Variants in ZNF514 observed in about 807,000 individuals in gnomAD.
ZNF514 encodes zinc finger protein 514.
ZNF514 carries 12 observed loss-of-function variants against 9.7 expected under a neutral mutation model. That is an observed-to-expected ratio of 1.24 (90% CI 0.79 to 2.01). ZNF514 has a LOEUF of 2.01. Ranked by LOEUF, ZNF514 falls within the 30% of genes most tolerant of loss-of-function variation. The pLI is 0.00. For synonymous variants in ZNF514, 158 were observed against 163.7 expected, an observed-to-expected ratio of 0.97 and a Z score of 0.27; for missense variants, 467 against 465.5, an observed-to-expected ratio of 1.00 and a Z score of -0.03.
At chr2:95,131,810 T>G in the ZNF514 span, among the ~76,000 whole-genome samples, 2 of 152,052 alleles carry the variant, frequency 1.3e-5, no homozygotes, top group Non-Finnish European at 2.9e-5. Context: ...CTTCCCCAAA[T>G]TTTTTATAAA....
the ZNF514 span, among the ~76,000 whole-genome samples, chr2:95,130,030 GC>G: frequency 2.6e-5 from 4 of 152,116 alleles, no homozygotes; most frequent in African/African-American, 9.7e-5. Flanking sequence ...CGGGGGACCT[GC>G]CCCGATAATC....
rs182542834 is a variant in ZNF514, at chr2:95,145,584, A to T, written c.*3698T>A. Reference sequence around the variant, plus strand: ...CTATTGATTCCAGGTCTTTGGATAAACCCACTGCCAATCAGAAAATCTTTG... The same window carrying T: ...CTATTGATTCCAGGTCTTTGGATAATCCCACTGCCAATCAGAAAATCTTTG... On this transcript the variant is annotated 3_prime_UTR_variant, in exon 5 of 5. Transcript: ENST00000295208. Among the ~76,000 whole-genome samples the T allele has an allele frequency of 6.6e-6, 1 of 152,134 alleles. No homozygotes were observed. The highest frequency in any genetic ancestry group is 1.5e-5 in the Non-Finnish European group (1 of 68,026).
At chr2:95,133,244 G>A in the ZNF514 span, among the ~76,000 whole-genome samples, 4 of 152,182 alleles carry the variant, frequency 2.6e-5, no homozygotes, top group African/African-American at 9.7e-5. Context: ...TGAGGTGGGA[G>A]AATCGCTTAA....
the ZNF514 span, among the ~76,000 whole-genome samples, chr2:95,124,562 A>G: frequency 2.0e-5 from 3 of 150,830 alleles, no homozygotes; most frequent in African/African-American, 7.3e-5. Context: ...GTGCAGTGGC[A>G]TAGTCTCAGC....
In ZNF514 at chr2:95,149,840, G is replaced by A. The variant is rs770952200; in HGVS notation, c.645C>T (p.Phe215=). 5.6e-6 allele frequency: 9 copies of A among 1,614,108 alleles called. No individual in the cohort carries two copies. Among genetic ancestry groups the A allele is most frequent in the Non-Finnish European group, 7.6e-6 (9 of 1,180,048 alleles). ...KCNECGKSFH[F]QSELRRHQRC... ...GCTGATGGCGCCTAAGTTCTGACTG[G>A]AAGTGAAAGGACTTCCCACACTCAT... Residue 215 remains phenylalanine (F), a synonymous_variant, in exon 5 of 5, where the codon TTC becomes TTT. Transcript: ENST00000295208.
chr2:95,158,590 C>T (rs115767611), intron 1 of ZNF514, among the ~76,000 whole-genome samples: 48 of 152,348 alleles, frequency 3.2e-4, no homozygotes, highest in African/African-American at 1.1e-3. Flanking sequence ...AGGTGGATGA[C>T]AAGGCTCCAA....
the ZNF514 span, among the ~76,000 whole-genome samples, chr2:95,129,164 G>T: frequency 6.6e-6 from 1 of 152,196 alleles, no homozygotes; most frequent in Non-Finnish European, 1.5e-5. Flanking sequence ...AGGGTGGCAT[G>T]GTGAGGAGTT....
Position 95,153,128 on chromosome 2 carries a change from C to T in ZNF514, c.121+5G>A. On this transcript the variant is annotated splice_donor_5th_base_variant and intron_variant, in intron 3 of 4. Coordinates refer to ENST00000295208, the MANE Select transcript of ZNF514 (RefSeq NM_032788.3). ...CTGGGTGGGCTTTGGAGGGCTTGTG[C>T]TCACCCAGAATGGCCAAGTTCCTGA... The T allele has an allele frequency of 1.2e-6, 2 of 1,610,798 alleles. No individual in the cohort carries two copies. Among genetic ancestry groups the T allele is most frequent in the Non-Finnish European group, 1.7e-6 (2 of 1,177,500 alleles).
In ZNF514 at chr2:95,146,998, A is replaced by C. The variant is rs1673377026; in HGVS notation, c.*2284T>G. 1.3e-5 allele frequency among the ~76,000 whole-genome samples: 2 copies of C among 152,060 alleles called. No homozygotes were observed. The highest frequency in any genetic ancestry group is 1.3e-4 in the Admixed American group (2 of 15,266). On this transcript the variant is annotated 3_prime_UTR_variant, in exon 5 of 5. Coordinates refer to ENST00000295208, the MANE Select transcript of ZNF514 (RefSeq NM_032788.3). ...GGACTCTTAGACCCAGCCTGTCTGC[A>C]TGGGCCCACTTTGAGCTGGTTCCCT...
In ZNF514 at chr2:95,153,223, T is replaced by C; in HGVS notation, c.31A>G (p.Ser11Gly). 1 of 1,614,006 alleles carries C rather than the reference T, an allele frequency of 6.2e-7. No individual in the cohort carries two copies. The highest frequency in any genetic ancestry group is 1.1e-5 in the South Asian group (1 of 91,062). ...TTCAGCTGCCCCCACTCCCACTGGC[T>C]GAATTCCACAGCCACATCTTCAAAT... is the stretch of plus-strand genomic sequence containing the variant. Reference protein sequence around the residue: MTFEDVAVEFSQWEWGQLNPA... With the variant: MTFEDVAVEFGQWEWGQLNPA... Residue 11 changes from serine (S) to glycine (G), a missense_variant, in exon 3 of 5, where the codon AGC becomes GGC. Transcript: ENST00000295208.
At chr2:95,143,423 C>A (rs1258726696), downstream of ZNF514, among the ~76,000 whole-genome samples, 1 of 152,072 alleles carries the variant, frequency 6.6e-6, no homozygotes, top group Non-Finnish European at 1.5e-5. Flanking sequence ...GAGTTCAAGA[C>A]CAGCCTGACC....
chr2:95,146,885 A>C lies in ZNF514; in HGVS notation c.*2397T>G, dbSNP rs1673372784. Among the ~76,000 whole-genome samples the C allele has an allele frequency of 6.6e-6, 1 of 151,990 alleles. No individual in the cohort carries two copies. Among genetic ancestry groups the C allele is most frequent in the Non-Finnish European group, 1.5e-5 (1 of 68,006 alleles). On this transcript the variant is annotated 3_prime_UTR_variant, in exon 5 of 5. Coordinates refer to ENST00000295208, the MANE Select transcript of ZNF514 (RefSeq NM_032788.3). ...TGTAAACCTTGGCTGTCCAGGAATA[A>C]ATTTCTGTGTGATCTTGACCTCAGC...
At chr2:95,159,003 C>T in intron 1 of ZNF514, 1 of 1,280,008 alleles carries the variant, frequency 7.8e-7, no homozygotes, top group Non-Finnish European at 1.0e-6. Context: ...TAAGGAGCGG[C>T]GTCCTTTCAC....
downstream of ZNF514, among the ~76,000 whole-genome samples, chr2:95,144,340 T>C (rs568742203): frequency 2.9e-4 from 44 of 152,128 alleles, 2 homozygotes; most frequent in South Asian, 9.0e-3. Flanking sequence ...GTAATTAGAG[T>C]TGGGGCTTTC....
chr2:95,154,397 C>T (rs964248625), intron 2 of ZNF514: 1 of 152,248 alleles, frequency 6.6e-6, no homozygotes, highest in Non-Finnish European at 1.5e-5. Context: ...AACTGGTACT[C>T]ACAGTGGAGT....
intron 2 of ZNF514, chr2:95,154,267 G>A (rs754867232): frequency 3.9e-5 from 6 of 152,274 alleles, no homozygotes; most frequent in Non-Finnish European, 7.3e-5. Flanking sequence ...TCTGAGTGAA[G>A]ATGTGGGCAA....
At chr2:95,152,799 T>C (rs1347002073) in intron 3 of ZNF514, 30 bp from the exon 4 acceptor site, 1 of 1,596,020 alleles carries the variant, frequency 6.3e-7, no homozygotes. Flanking sequence ...AGGATTTTGG[T>C]TGTGTGTGCC....
chr2:95,126,390 A>G, the ZNF514 span, among the ~76,000 whole-genome samples: 1 of 148,880 alleles, frequency 6.7e-6, no homozygotes. Flanking sequence ...AAAAAAAAAA[A>G]AAAAAGAAAG....
the ZNF514 span, among the ~76,000 whole-genome samples, chr2:95,133,881 T>C: frequency 6.6e-6 from 1 of 152,198 alleles, no homozygotes; most frequent in African/African-American, 2.4e-5. Flanking sequence ...ATTCTGTATC[T>C]TAACTGTATC....
Sources: allele counts gnomAD v4.1 joint callset (sites outside exome capture counted in the v4.1 genomes callset), GRCh38; gene constraint gnomAD v4.1.1; transcripts MANE v1.5; gene names NCBI Gene and HGNC (gene_info 2026-07-23, HGNC 2026-07-21).